The following AUTS2 variants were observed in gnomAD, a reference collection of about 807,000 sequenced individuals.
The protein encoded by AUTS2 is activator of transcription and developmental regulator AUTS2, also known as autism susceptibility gene 2 protein.
Under a neutral mutation model 112.4 loss-of-function variants are expected in AUTS2, and 17 were observed. The observed-to-expected ratio is 0.15, with a 90% CI of 0.10 to 0.23. AUTS2 has a LOEUF of 0.23. Ranked by LOEUF, AUTS2 falls within the 10% of genes least tolerant of loss-of-function variation. The pLI is 1.00. For synonymous variants in AUTS2, 751 were observed against 702.7 expected (o/e 1.07, Z -1.09); for missense variants, 1,510 against 1,701.6 (o/e 0.89, Z 1.98).
intron 2 of AUTS2, among the ~76,000 whole-genome samples, chr7:69,959,037 C>T (rs1238095048): frequency 6.6e-6 from 1 of 152,162 alleles, no homozygotes; most frequent in Non-Finnish European, 1.5e-5. Flanking sequence ...TATTAGTAAT[C>T]AGTTGTCTCA....
chr7:69,796,406 C>T (rs1365764204), intron 1 of AUTS2, among the ~76,000 whole-genome samples: 1 of 152,064 alleles, frequency 6.6e-6, no homozygotes, highest in African/African-American at 2.4e-5. Context: ...ACCTGTAGTC[C>T]CAGCTACTTG....
At chr7:70,557,560 G>C (rs1316846760) in intron 5 of AUTS2, among the ~76,000 whole-genome samples, 1 of 152,220 alleles carries the variant, frequency 6.6e-6, no homozygotes, top group Non-Finnish European at 1.5e-5. Context: ...TTTAAGGATG[G>C]AGCAGGAGAC....
intron 1 of AUTS2, among the ~76,000 whole-genome samples, chr7:69,811,828 T>C (rs1790557435): frequency 6.6e-6 from 1 of 152,200 alleles, no homozygotes; most frequent in Non-Finnish European, 1.5e-5. Context: ...TTCTGTGTGT[T>C]TTCCCTCTGG....
At chr7:69,651,825 A>G (rs572742173) in intron 1 of AUTS2, among the ~76,000 whole-genome samples, 2 of 152,336 alleles carry the variant, frequency 1.3e-5, no homozygotes, top group East Asian at 3.9e-4. Context: ...TATGTAGATC[A>G]TAAAGATTAG....
intron 6 of AUTS2, among the ~76,000 whole-genome samples, chr7:70,724,596 C>A (rs1786909706): frequency 6.6e-6 from 1 of 152,074 alleles, no homozygotes; most frequent in Non-Finnish European, 1.5e-5. Flanking sequence ...CAGGCGTCTA[C>A]CACCACGCCC....
intron 4 of AUTS2, among the ~76,000 whole-genome samples, chr7:70,413,283 C>T (rs1794852487): frequency 6.6e-6 from 1 of 152,186 alleles, no homozygotes; most frequent in Non-Finnish European, 1.5e-5. Flanking sequence ...ATAAGTTATT[C>T]TAGGCAGGTG....
intron 18 of AUTS2, among the ~76,000 whole-genome samples, chr7:70,788,055 A>G (rs1791629324): frequency 6.6e-6 from 1 of 152,342 alleles, no homozygotes; most frequent in African/African-American, 2.4e-5. Context: ...TGCCTAAAAA[A>G]AAAAGTAGCG....
At chr7:69,652,223 G>A (rs1330411419) in intron 1 of AUTS2, among the ~76,000 whole-genome samples, 2 of 151,900 alleles carry the variant, frequency 1.3e-5, no homozygotes, top group African/African-American at 2.4e-5. Context: ...TTAACTTTCC[G>A]GGAATAAGTT....
At chr7:70,731,746 ACT>A (rs34970993) in intron 6 of AUTS2, among the ~76,000 whole-genome samples, 34,119 of 151,004 alleles carry the variant, frequency 0.23, 4,669 homozygotes, top group East Asian at 0.57. Flanking sequence ...CCCAGATCTA[ACT>A]CTTAATTTGT....
At chr7:70,227,961 T>C (rs1218690734) in intron 4 of AUTS2, among the ~76,000 whole-genome samples, 4 of 152,086 alleles carry the variant, frequency 2.6e-5, no homozygotes, top group Non-Finnish European at 5.9e-5. Context: ...TCAAGTCTAC[T>C]ATATTCTTGT....
intron 4 of AUTS2, among the ~76,000 whole-genome samples, chr7:70,255,231 G>A (rs1351535160): frequency 9.9e-5 from 15 of 151,760 alleles, no homozygotes; most frequent in Non-Finnish European, 2.9e-5. Flanking sequence ...GTGCCACCAC[G>A]CCTGGCTAAT....
At chr7:70,674,106 T>G (rs1309828189) in intron 5 of AUTS2, among the ~76,000 whole-genome samples, 2 of 152,128 alleles carry the variant, frequency 1.3e-5, no homozygotes, top group Non-Finnish European at 2.9e-5. Context: ...AAGGCCTGTT[T>G]CACAGGCCCC....
chr7:70,021,708 T>G (rs1800283348), intron 2 of AUTS2, among the ~76,000 whole-genome samples: 1 of 152,190 alleles, frequency 6.6e-6, no homozygotes, highest in African/African-American at 2.4e-5. Context: ...CAATCTGCCT[T>G]TCTTTGGTCA....
chr7:69,722,335 A>G (rs1347447407), intron 1 of AUTS2, among the ~76,000 whole-genome samples: 1 of 151,874 alleles, frequency 6.6e-6, no homozygotes, highest in East Asian at 1.9e-4. Flanking sequence ...TAGAATAGAA[A>G]AATTGGAAAA....
chr7:70,591,096 TTG>T (rs1271675702), intron 5 of AUTS2, among the ~76,000 whole-genome samples: 1 of 152,140 alleles, frequency 6.6e-6, no homozygotes, highest in Non-Finnish European at 1.5e-5. Flanking sequence ...TGGCCTGCCT[TTG>T]TGTGTGACTT....
intron 4 of AUTS2, among the ~76,000 whole-genome samples, chr7:70,170,812 T>G (rs1379856740): frequency 6.6e-6 from 1 of 152,174 alleles, no homozygotes; most frequent in Non-Finnish European, 1.5e-5. Context: ...TTCACCATTT[T>G]GGCCAGGCTG....
At chr7:69,749,349 G>T (rs1787640938) in intron 1 of AUTS2, among the ~76,000 whole-genome samples, 1 of 152,148 alleles carries the variant, frequency 6.6e-6, no homozygotes, top group Non-Finnish European at 1.5e-5. Context: ...ACCACAGTCA[G>T]TTTTAGAAAA....
intron 4 of AUTS2, among the ~76,000 whole-genome samples, chr7:70,423,703 GTTTT>G (rs1444787955): frequency 6.6e-6 from 1 of 151,998 alleles, no homozygotes; most frequent in Non-Finnish European, 1.5e-5. Flanking sequence ...TTCCTTTTTG[GTTTT>G]TTATCAGTGA....
intron 1 of AUTS2, among the ~76,000 whole-genome samples, chr7:69,612,960 G>T: frequency 6.6e-6 from 1 of 152,164 alleles, no homozygotes; most frequent in Non-Finnish European, 1.5e-5. Context: ...TGAAGAGGGA[G>T]CTGCTATTTA....
Sources: allele counts gnomAD v4.1 joint callset (sites outside exome capture counted in the v4.1 genomes callset), GRCh38; gene constraint gnomAD v4.1.1; transcripts MANE v1.5; gene names NCBI Gene and HGNC (gene_info 2026-07-23, HGNC 2026-07-21).